The following COMMD1 variants were observed in gnomAD, a reference collection of about 807,000 sequenced individuals.
COMMD1 encodes the protein copper metabolism domain containing 1, also known as COMM domain-containing protein 1.
Under a neutral mutation model 17.2 loss-of-function variants are expected in COMMD1, and 10 were observed. The observed-to-expected ratio is 0.58, with a 90% CI of 0.36 to 0.99. COMMD1 has a LOEUF of 0.99. Ranked by LOEUF, COMMD1 falls within the 50% of genes least tolerant of loss-of-function variation. The probability of loss-of-function intolerance (pLI) is 0.01; values close to 1 mark genes in which losing one functional copy is unlikely to be tolerated. For synonymous variants in COMMD1, 97 were observed against 91.6 expected (o/e 1.06, Z -0.34); for missense variants, 270 against 231.8 (o/e 1.17, Z -1.07).
chr2:62,067,393 C>T (rs1184096772), intron 2 of COMMD1, among the ~76,000 whole-genome samples: 1 of 152,134 alleles, frequency 6.6e-6, no homozygotes, highest in Non-Finnish European at 1.5e-5. Context: ...TGTTTGCTTA[C>T]TTGATCTTTA....
At chr2:61,929,127 A>G (rs976884809) in intron 1 of COMMD1, among the ~76,000 whole-genome samples, 11 of 152,206 alleles carry the variant, frequency 7.2e-5, no homozygotes, top group African/African-American at 2.7e-4. Context: ...TCTTCTGAAA[A>G]CATTTTATCT....
chr2:61,944,968 A>G lies in COMMD1; in HGVS notation c.180+39110A>G, dbSNP rs190104816. On this transcript the variant is annotated intron_variant, in intron 1 of 2. Transcript: ENST00000311832. Reference sequence around the variant, plus strand: ...TTTTTCCTTTTTGCTGCTGCAAGGAATTTTAGCCAATTCGGAGGCCTTGTT... The same window carrying G: ...TTTTTCCTTTTTGCTGCTGCAAGGAGTTTTAGCCAATTCGGAGGCCTTGTT... Among the ~76,000 whole-genome samples the G allele has an allele frequency of 2.0e-5, 3 of 152,252 alleles. No homozygotes were observed. In the East Asian group the frequency reaches 5.8e-4, roughly 29 times the overall value.
intron 2 of COMMD1, among the ~76,000 whole-genome samples, chr2:62,085,849 CG>C (rs746105626): frequency 6.6e-6 from 1 of 151,934 alleles, no homozygotes; most frequent in Non-Finnish European, 1.5e-5. Flanking sequence ...GGCATGGTGG[CG>C]GGCGCCTGTC....
intron 1 of COMMD1, among the ~76,000 whole-genome samples, chr2:61,986,955 C>A (rs1672122046): frequency 6.6e-6 from 1 of 152,132 alleles, no homozygotes; most frequent in African/African-American, 2.4e-5. Flanking sequence ...TTGATCAAGT[C>A]TGCTTTTAAG....
At chr2:61,924,763 C>A (rs1016623544) in intron 1 of COMMD1, among the ~76,000 whole-genome samples, 1 of 152,138 alleles carries the variant, frequency 6.6e-6, no homozygotes, top group East Asian at 1.9e-4. Context: ...GAAAGATAAG[C>A]CTCTTAAAAC....
chr2:61,967,865 AT>A (rs1193757616), intron 1 of COMMD1, among the ~76,000 whole-genome samples: 2 of 152,208 alleles, frequency 1.3e-5, no homozygotes, highest in African/African-American at 4.8e-5. Flanking sequence ...ATTTTGCTCT[AT>A]TTTAAGAAAA....
intron 1 of COMMD1, among the ~76,000 whole-genome samples, chr2:61,900,351 G>A (rs1669632743): frequency 6.6e-6 from 1 of 152,244 alleles, no homozygotes; most frequent in Non-Finnish European, 1.5e-5. Context: ...AAAGTCATAA[G>A]GCTCTGTCTA....
Position 62,005,188 on chromosome 2 carries a change from C to T in COMMD1, c.462+4206C>T, listed in dbSNP as rs376617521. Among the ~76,000 whole-genome samples the T allele has an allele frequency of 1.4e-4, 22 of 152,268 alleles. No homozygotes were observed. The South Asian group carries it at 3.9e-3, about 27-fold the overall frequency. ...TGATTTCAGTATCCAGGGTTGAGAA[C>T]CACTGTGTTAAAGGTAGCCAAAATA... On this transcript the variant is annotated intron_variant, in intron 2 of 2. Transcript: ENST00000311832.
chr2:61,888,433 C>A (rs1210839913), upstream of COMMD1: 3 of 1,612,550 alleles, frequency 1.9e-6, no homozygotes, highest in Non-Finnish European at 2.5e-6. Flanking sequence ...TGTCGCGGTC[C>A]TGATAGGCGC....
intron 1 of COMMD1, among the ~76,000 whole-genome samples, chr2:61,927,865 A>G (rs767177312): frequency 2.2e-4 from 34 of 151,924 alleles, no homozygotes; most frequent in African/African-American, 7.7e-4. Context: ...CCTGGGTTCA[A>G]GTGATTTACC....
At chr2:62,073,847 G>A (rs964810381) in intron 2 of COMMD1, among the ~76,000 whole-genome samples, 8 of 152,020 alleles carry the variant, frequency 5.3e-5, no homozygotes, top group African/African-American at 7.3e-5. Flanking sequence ...CACAGGTGCC[G>A]CCACCATGCT....
intron 2 of COMMD1, among the ~76,000 whole-genome samples, chr2:62,114,194 G>A (rs915884899): frequency 2.0e-5 from 3 of 152,148 alleles, no homozygotes; most frequent in East Asian, 1.9e-4. Flanking sequence ...CCCAAATCTC[G>A]AGGTGGGTTT....
intron 2 of COMMD1, among the ~76,000 whole-genome samples, chr2:62,114,558 C>T (rs1433201562): frequency 6.6e-6 from 1 of 152,134 alleles, no homozygotes; most frequent in Non-Finnish European, 1.5e-5. Flanking sequence ...CTTAGGATTG[C>T]CAGTGATGGG....
At chr2:61,922,904 A>G (rs1280480972) in intron 1 of COMMD1, among the ~76,000 whole-genome samples, 2 of 152,238 alleles carry the variant, frequency 1.3e-5, no homozygotes, top group Non-Finnish European at 1.5e-5. Context: ...TTTCTGGGTT[A>G]GCATGTAAAT....
rs574452136 is a variant in COMMD1 at position 61,945,850 on chromosome 2, G to T, written c.180+39992G>T. Among the ~76,000 whole-genome samples, 12 of 152,322 alleles carry T rather than the reference G, an allele frequency of 7.9e-5. No homozygotes were observed. In the East Asian group the frequency reaches 2.3e-3, roughly 29 times the overall value. On this transcript the variant is annotated intron_variant, in intron 1 of 2. Coordinates refer to ENST00000311832, the MANE Select transcript of COMMD1 (RefSeq NM_152516.4). The stretch of plus-strand genomic sequence containing the variant: ...CACTGTCGGTAGAAAGGAATGTCTG[G>T]GTTAAGACAAGGGATTGTGGAGACC...
At chr2:62,127,190 AAG>A (rs1402815055) in intron 2 of COMMD1, among the ~76,000 whole-genome samples, 4 of 152,210 alleles carry the variant, frequency 2.6e-5, no homozygotes, top group African/African-American at 9.6e-5. Context: ...GACCTCTTCA[AAG>A]AGAACTACAG....
chr2:61,891,104 C>G (rs997828331), intron 1 of COMMD1, among the ~76,000 whole-genome samples: 1 of 152,178 alleles, frequency 6.6e-6, no homozygotes, highest in African/African-American at 2.4e-5. Flanking sequence ...TCCTTTGGGT[C>G]TCATTTTCCT....
intron 1 of COMMD1, among the ~76,000 whole-genome samples, chr2:61,960,421 G>A (rs929413379): frequency 2.6e-5 from 4 of 152,096 alleles, no homozygotes; most frequent in Non-Finnish European, 5.9e-5. Flanking sequence ...CCAACAAGAA[G>A]GAGTATACTT....
chr2:61,969,976 G>T (rs1051811985), intron 1 of COMMD1, among the ~76,000 whole-genome samples: 2 of 151,890 alleles, frequency 1.3e-5, no homozygotes, highest in Non-Finnish European at 2.9e-5. Context: ...TAATCATAGC[G>T]CTGGGCACAG....
Sources: gnomAD v4.1 joint callset for allele counts (sites outside exome capture counted in the v4.1 genomes callset) on GRCh38, gnomAD v4.1.1 for gene constraint, MANE v1.5 for transcripts, NCBI Gene and HGNC (gene_info 2026-07-23, HGNC 2026-07-21) for gene names.